KCNT1: variants seen among roughly 807,000 people sequenced by gnomAD.
KCNT1 encodes the protein potassium sodium-activated channel subfamily T member 1, also known as potassium channel subfamily T member 1.
A neutral mutation model predicts 147.8 loss-of-function variants in KCNT1; 78 were observed. That is an observed-to-expected ratio of 0.53 (90% confidence interval 0.44 to 0.64). The LOEUF (loss-of-function observed/expected upper bound fraction) is 0.64. Ranked by LOEUF, KCNT1 falls within the 30% of genes least tolerant of loss-of-function variation. KCNT1 has a pLI of 0.00. For synonymous variants in KCNT1, 867 were observed against 748.8 expected, an observed-to-expected ratio of 1.16 and a Z score of -2.58; for missense variants, 1,419 against 1,750.3, an observed-to-expected ratio of 0.81 and a Z score of 3.38.
chr9:135,755,567 C>A (rs2131429190), intron 6 of KCNT1, among the ~76,000 whole-genome samples: 1 of 145,622 alleles, frequency 6.9e-6, no homozygotes, highest in East Asian at 2.1e-4. Context: ...GCTCGGTGAG[C>A]ACTGGGGACA....
Position 135,784,083 on chromosome 9 carries a change from C to T in KCNT1, c.2901C>T (p.Gly967=). 6.2e-7 allele frequency: 1 copy of T among 1,605,974 alleles called. No homozygotes were observed. The change falls in exon 25 of 31, where the codon GGC becomes GGT. Residue 967 remains glycine, a synonymous_variant. Transcript: ENST00000371757. ...TGTTCCGCCTGCCGTTCGCCGCCGGCCGCGTCTTCAGCATCAGCATGTTGG... is the reference window on the plus strand; with the variant it reads ...TGTTCCGCCTGCCGTTCGCCGCCGGTCGCGTCTTCAGCATCAGCATGTTGG... ...AFMFRLPFAA[G]RVFSISMLDT...
At chr9:135,713,403 A>T (rs546070528) in intron 1 of KCNT1, among the ~76,000 whole-genome samples, 1 of 152,376 alleles carries the variant, frequency 6.6e-6, no homozygotes, top group East Asian at 1.9e-4. Context: ...CTGCAGCTTC[A>T]GCCTGGGGTG....
At chr9:135,720,870 C>G (rs1338788439) in intron 2 of KCNT1, among the ~76,000 whole-genome samples, 1 of 152,224 alleles carries the variant, frequency 6.6e-6, no homozygotes, top group African/African-American at 2.4e-5. Context: ...CCACCCTGCT[C>G]CTGCCTTAGG....
intron 5 of KCNT1, among the ~76,000 whole-genome samples, chr9:135,754,496 C>T (rs983391158): frequency 1.4e-4 from 21 of 152,150 alleles, no homozygotes; most frequent in African/African-American, 4.8e-4. Context: ...GAGGTGACTG[C>T]GGGGCAACTG....
chr9:135,731,973 TATATATATATATATATATAGAGAGAG>T (rs1564327839), intron 2 of KCNT1, among the ~76,000 whole-genome samples: 1 of 24,484 alleles, frequency 4.1e-5, no homozygotes, highest in African/African-American at 1.4e-4. Context: ...TATATATATA[TATATATATATATATATATAGAGAGAG>T]AGAGAGAGAG....
intron 2 of KCNT1, chr9:135,742,784 A>C: frequency 1.4e-6 from 1 of 717,230 alleles, no homozygotes; most frequent in Non-Finnish European, 2.6e-6. Context: ...TTCCTGTAGA[A>C]GATTTCAGCC....
rs1834728973 is a variant in KCNT1 at position 135,794,813 on chromosome 9, C to T, written c.*2652C>T. 1 of 152,144 alleles carries T rather than the reference C, an allele frequency of 6.6e-6. No homozygotes were observed. The highest frequency in any genetic ancestry group is 6.5e-5 in the Admixed American group (1 of 15,276). 9.4% of individuals were successfully genotyped at this position (152,144 alleles called of 1,614,324 possible). ...TCTCTGCTTGTCCCGAGCCCACTCACCAACAGCCCCAGCTTGCACAGTCAT... is the reference window on the plus strand; with the variant it reads ...TCTCTGCTTGTCCCGAGCCCACTCATCAACAGCCCCAGCTTGCACAGTCAT... On this transcript the variant is annotated 3_prime_UTR_variant, in exon 31 of 31. Transcript: ENST00000371757.
At chr9:135,785,751 T>G in intron 28 of KCNT1, 1 of 438,598 alleles carries the variant, frequency 2.3e-6, no homozygotes. Context: ...GTTCCCCAGG[T>G]TCGGGGCCTC....
chr9:135,761,970 G>A (rs1156544117), intron 11 of KCNT1, among the ~76,000 whole-genome samples: 4 of 152,240 alleles, frequency 2.6e-5, no homozygotes, highest in Admixed American at 6.5e-5. Flanking sequence ...AAGCAGGAGC[G>A]AAGCGCTCTC....
In KCNT1 at chr9:135,788,766, G is replaced by C. The variant is rs533239797; in HGVS notation, c.3502+2245G>C. Among the ~76,000 whole-genome samples, 6 of 152,296 alleles carry C rather than the reference G, an allele frequency of 3.9e-5. No individual in the cohort carries two copies. In the South Asian group the frequency reaches 1.2e-3, roughly 32 times the overall value. On this transcript the variant is annotated intron_variant, in intron 29 of 30. Coordinates refer to ENST00000371757, the MANE Select transcript of KCNT1 (RefSeq NM_020822.3). ...CGAGGGGATTCTTCCTGCTCGGCTC[G>C]AGCAGAGCCGCTCCACACCCCGTTT...
chr9:135,722,143 T>A (rs1433537455), intron 2 of KCNT1, among the ~76,000 whole-genome samples: 2 of 152,086 alleles, frequency 1.3e-5, no homozygotes, highest in Non-Finnish European at 2.9e-5. Context: ...GTGATACCCC[T>A]GGGCCCAGGG....
At chr9:135,735,843 C>T (rs953295686) in intron 2 of KCNT1, among the ~76,000 whole-genome samples, 1 of 152,214 alleles carries the variant, frequency 6.6e-6, no homozygotes, top group Non-Finnish European at 1.5e-5. Context: ...GAGCTGGCTT[C>T]GGGGCAGCTG....
intron 3 of KCNT1, chr9:135,750,421 T>G: frequency 1.8e-6 from 1 of 563,394 alleles, no homozygotes; most frequent in Non-Finnish European, 3.2e-6. Context: ...GCGGGACTCG[T>G]GGGGACACCG....
chr9:135,778,156 C>T (rs1387025097), intron 21 of KCNT1, among the ~76,000 whole-genome samples: 1 of 152,180 alleles, frequency 6.6e-6, no homozygotes, highest in Non-Finnish European at 1.5e-5. Flanking sequence ...CCTTTTTGCC[C>T]AGGGGACCCT....
At chr9:135,767,634 C>T (rs1832376977) in intron 13 of KCNT1, among the ~76,000 whole-genome samples, 1 of 152,048 alleles carries the variant, frequency 6.6e-6, no homozygotes, top group African/African-American at 2.4e-5. Context: ...ACCCCGGAAG[C>T]CAGTGCCCAG....
chr9:135,785,245 G>A (rs1263822054), intron 27 of KCNT1, 65 bp from the exon 28 acceptor site: 3 of 1,601,182 alleles, frequency 1.9e-6, no homozygotes, highest in Non-Finnish European at 2.6e-6. Context: ...CAGACCCCAG[G>A]CTGAGGCGGC....
chr9:135,760,883 T>C (rs1486057204), intron 11 of KCNT1, among the ~76,000 whole-genome samples: 2 of 152,240 alleles, frequency 1.3e-5, no homozygotes, highest in Non-Finnish European at 2.9e-5. Context: ...CCCGCTCCTC[T>C]TTGGTCTTCC....
intron 1 of KCNT1, among the ~76,000 whole-genome samples, chr9:135,703,895 C>T (rs993425878): frequency 2.6e-5 from 4 of 152,264 alleles, no homozygotes; most frequent in African/African-American, 7.2e-5. Context: ...TCCTCCTCCC[C>T]GCTGGACTGA....
intron 1 of KCNT1, among the ~76,000 whole-genome samples, chr9:135,706,930 C>G (rs1459504882): frequency 6.6e-6 from 1 of 151,958 alleles, no homozygotes; most frequent in Non-Finnish European, 1.5e-5. Flanking sequence ...CTAAAGTGGC[C>G]CAGCCCTCCC....
Sources: allele counts gnomAD v4.1 joint callset (sites outside exome capture counted in the v4.1 genomes callset), GRCh38; gene constraint gnomAD v4.1.1; transcripts MANE v1.5; gene names NCBI Gene and HGNC (gene_info 2026-07-23, HGNC 2026-07-21).